The following AGBL4 variants were observed in gnomAD, a reference collection of about 807,000 sequenced individuals.
AGBL4 encodes cytosolic carboxypeptidase 6.
In AGBL4, 58 loss-of-function variants were observed where a neutral mutation model predicts 66.4. The observed-to-expected ratio is 0.87, with a 90% CI of 0.71 to 1.09. The LOEUF (loss-of-function observed/expected upper bound fraction) is 1.09, where lower values mean the gene tolerates loss of function less well. AGBL4 is among the 50% of genes least tolerant of loss of function. AGBL4 has a pLI of 0.00. For missense variants in AGBL4, 579 were observed against 631.0 expected, an observed-to-expected ratio of 0.92 and a Z score of 0.88; for synonymous variants, 234 against 222.9, an observed-to-expected ratio of 1.05 and a Z score of -0.44.
chr1:48,764,038 A>G (rs958716007), intron 6 of AGBL4, among the ~76,000 whole-genome samples: 40 of 152,344 alleles, frequency 2.6e-4, no homozygotes, highest in African/African-American at 9.4e-4. Context: ...TGTAGGATCT[A>G]AACTGGCCCG....
intron 3 of AGBL4, among the ~76,000 whole-genome samples, chr1:49,372,657 TTCTTTCTTTCTTTCTTTCTTTC>T (rs1306200622): frequency 4.2e-4 from 57 of 134,168 alleles, no homozygotes; most frequent in East Asian, 2.7e-3. Context: ...CTTTCTTTCT[TTCTTTCTTTCTTTCTTTCTTTC>T]TCTTTCTTTC....
chr1:48,549,882 C>T (rs1644223882), intron 11 of AGBL4, among the ~76,000 whole-genome samples: 1 of 151,884 alleles, frequency 6.6e-6, no homozygotes. Context: ...CAGAGAAGCA[C>T]AGCCGCAGAG....
chr1:49,521,504 C>T (rs995648066), intron 3 of AGBL4, among the ~76,000 whole-genome samples: 7 of 151,986 alleles, frequency 4.6e-5, no homozygotes, highest in African/African-American at 1.7e-4. Context: ...CATACACCTA[C>T]ACCCATCTGA....
chr1:49,475,017 T>G (rs1646819212), intron 3 of AGBL4, among the ~76,000 whole-genome samples: 1 of 152,012 alleles, frequency 6.6e-6, no homozygotes, highest in Non-Finnish European at 1.5e-5. Context: ...CTTGTTCCAG[T>G]TCTTAGGAGA....
chr1:48,572,855 C>T (rs891931837), intron 11 of AGBL4, among the ~76,000 whole-genome samples: 1 of 152,208 alleles, frequency 6.6e-6, no homozygotes, highest in African/African-American at 2.4e-5. Context: ...ACTTCAACCT[C>T]AGGCAACTGC....
At chr1:48,583,017 T>C (rs1219841711) in intron 11 of AGBL4, among the ~76,000 whole-genome samples, 2 of 152,180 alleles carry the variant, frequency 1.3e-5, no homozygotes, top group Admixed American at 1.3e-4. Flanking sequence ...ACTCATCCAG[T>C]ATCCTCTAGC....
At chr1:48,754,033 C>T (rs1652146948) in intron 6 of AGBL4, among the ~76,000 whole-genome samples, 1 of 152,194 alleles carries the variant, frequency 6.6e-6, no homozygotes, top group South Asian at 2.1e-4. Context: ...TATGTCTGCT[C>T]CTCTTTGTAT....
At chr1:49,209,951 A>G (rs945866032) in intron 4 of AGBL4, among the ~76,000 whole-genome samples, 41 of 152,124 alleles carry the variant, frequency 2.7e-4, no homozygotes, top group Non-Finnish European at 2.9e-5. Context: ...ACTGCTATAT[A>G]CATCTCCAGG....
At chr1:49,200,451 T>C (rs1421097649) in intron 4 of AGBL4, among the ~76,000 whole-genome samples, 4 of 152,196 alleles carry the variant, frequency 2.6e-5, no homozygotes, top group Non-Finnish European at 5.9e-5. Flanking sequence ...ATTCTGATAC[T>C]ATCTGAAGAT....
chr1:49,705,008 A>C (rs1647181257), intron 2 of AGBL4, among the ~76,000 whole-genome samples: 1 of 152,166 alleles, frequency 6.6e-6, no homozygotes, highest in Non-Finnish European at 1.5e-5. Flanking sequence ...TCTATAAATT[A>C]CTTTGGGCAG....
At chr1:49,860,098 G>A (rs1345726737) in intron 1 of AGBL4, among the ~76,000 whole-genome samples, 2 of 152,148 alleles carry the variant, frequency 1.3e-5, no homozygotes, top group African/African-American at 2.4e-5. Flanking sequence ...CAAACCTTGT[G>A]AATGGATTGG....
At chr1:49,015,614 C>T (rs953889385) in intron 5 of AGBL4, among the ~76,000 whole-genome samples, 3 of 151,310 alleles carry the variant, frequency 2.0e-5, no homozygotes, top group Non-Finnish European at 4.4e-5. Flanking sequence ...TTAGTACAGA[C>T]GGGGTTTCAC....
chr1:48,752,907 G>T (rs1056957600), intron 6 of AGBL4, among the ~76,000 whole-genome samples: 2 of 152,070 alleles, frequency 1.3e-5, no homozygotes, highest in African/African-American at 4.8e-5. Flanking sequence ...GCGCCCCCAT[G>T]CCCAGCTAAT....
At chr1:49,850,773 C>T (rs1204611655) in intron 2 of AGBL4, among the ~76,000 whole-genome samples, 2 of 151,926 alleles carry the variant, frequency 1.3e-5, no homozygotes, top group Admixed American at 1.3e-4. Context: ...TTATGTTTAC[C>T]TTTCTCACTA....
At chr1:48,717,502 T>C (rs1034477658) in intron 6 of AGBL4, among the ~76,000 whole-genome samples, 2 of 152,204 alleles carry the variant, frequency 1.3e-5, no homozygotes, top group Non-Finnish European at 2.9e-5. Flanking sequence ...TTTCACTCTA[T>C]GATGAAAGTC....
intron 1 of AGBL4, among the ~76,000 whole-genome samples, chr1:49,865,711 T>C (rs527250966): frequency 7.2e-5 from 11 of 152,246 alleles, no homozygotes; most frequent in African/African-American, 2.4e-4. Flanking sequence ...CTCCAAATGA[T>C]TGCAACATCT....
intron 3 of AGBL4, among the ~76,000 whole-genome samples, chr1:49,530,273 C>CAAAACAAAAAAA (rs1651010174): frequency 8.9e-6 from 1 of 111,928 alleles, no homozygotes; most frequent in African/African-American, 3.6e-5. Flanking sequence ...AAAAAAAAAA[C>CAAAACAAAAAAA]AAAAAAAAAC....
chr1:48,714,868 G>A (rs1213582306), intron 6 of AGBL4, among the ~76,000 whole-genome samples: 1 of 152,196 alleles, frequency 6.6e-6, no homozygotes, highest in Non-Finnish European at 1.5e-5. Context: ...AGATTTTTTA[G>A]TCGCTCATTC....
chr1:48,704,515 C>A (rs186912418), intron 6 of AGBL4, among the ~76,000 whole-genome samples: 2 of 152,266 alleles, frequency 1.3e-5, no homozygotes, highest in East Asian at 3.9e-4. Context: ...AAAATACTTT[C>A]TTTATATCCT....
Sources: allele counts gnomAD v4.1 joint callset (sites outside exome capture counted in the v4.1 genomes callset), GRCh38; gene constraint gnomAD v4.1.1; transcripts MANE v1.5; gene names NCBI Gene and HGNC (gene_info 2026-07-23, HGNC 2026-07-21).